NR3C1: variants seen among roughly 807,000 people sequenced by gnomAD.
NR3C1 encodes the protein nuclear receptor subfamily 3 group C member 1, also known as glucocorticoid receptor.
Under a neutral mutation model 74.0 loss-of-function variants are expected in NR3C1, and 14 were observed. That is an observed-to-expected ratio of 0.19 (90% CI 0.12 to 0.30). The LOEUF (loss-of-function observed/expected upper bound fraction) is 0.30, where lower values mean the gene tolerates loss of function less well. Ranked by LOEUF, NR3C1 falls within the 10% of genes least tolerant of loss-of-function variation. NR3C1 has a pLI of 1.00. For missense variants in NR3C1, 695 were observed against 909.8 expected, an observed-to-expected ratio of 0.76 and a Z score of 3.04; for synonymous variants, 308 against 332.5, an observed-to-expected ratio of 0.93 and a Z score of 0.80.
chr5:143,322,180 T>C (rs1182773978), intron 2 of NR3C1, among the ~76,000 whole-genome samples: 2 of 152,220 alleles, frequency 1.3e-5, no homozygotes, highest in East Asian at 3.8e-4. Flanking sequence ...TGGGTACTAT[T>C]TTCAGCATTT....
At chr5:143,405,392 G>A (rs1841051000), upstream of NR3C1, 1 of 978,826 alleles carries the variant, frequency 1.0e-6, no homozygotes, top group Non-Finnish European at 1.2e-6. Flanking sequence ...GAAGACGATT[G>A]GGGAAGCGCG....
rs760752090 is a variant in NR3C1, at chr5:143,399,977, G to A, written c.863C>T (p.Thr288Ile). ...TTTCTCTTGCTTAATTACCCCAGGG[G>A]TGCAGAGTTCGATGAAATCTTCTTT... ...TEKEDFIELC[T>I]PGVIKQEKLG... The change falls in exon 2 of 9, where the codon ACC becomes ATC. Residue 288 changes from threonine to isoleucine, a missense_variant. Around this residue, in one of 4 missense-constraint regions of NR3C1, gnomAD observed 497 missense variants for 489.5 expected, o/e 1.02. Transcript: ENST00000394464. The A allele has an allele frequency of 3.7e-6, 6 of 1,614,052 alleles. No individual in the cohort carries two copies. In the African/African-American group the frequency reaches 5.3e-5, roughly 14 times the overall value.
intron 7 of NR3C1, among the ~76,000 whole-genome samples, chr5:143,285,648 TAATAAGCTATAGATTA>T (rs1253912369): frequency 1.3e-5 from 2 of 152,094 alleles, no homozygotes; most frequent in Non-Finnish European, 2.9e-5. Context: ...ATTTGACATT[TAATAAGCTATAGATTA>T]AATAAGGCAT....
intron 2 of NR3C1, among the ~76,000 whole-genome samples, chr5:143,391,669 G>A (rs746655914): frequency 1.3e-5 from 2 of 151,912 alleles, no homozygotes; most frequent in Admixed American, 6.6e-5. Flanking sequence ...AAACTTTGTC[G>A]AAGGCGCTTT....
chr5:143,433,475 A>ATTTATATATATATATAATTTATTTAT (rs1751970544), intron 1 of NR3C1, among the ~76,000 whole-genome samples: 1 of 130,794 alleles, frequency 7.6e-6, no homozygotes, highest in African/African-American at 3.0e-5. Flanking sequence ...TATATATTTA[A>ATTTATATATATATATAATTTATTTAT]TTTCATCTTG....
chr5:143,425,475 A>G (rs1363858013), intron 1 of NR3C1, among the ~76,000 whole-genome samples: 1 of 152,314 alleles, frequency 6.6e-6, no homozygotes, highest in Non-Finnish European at 1.5e-5. Context: ...TTTGCAAGTC[A>G]TATATCCAGT....
chr5:143,291,983 G>A (rs984752672), intron 7 of NR3C1, among the ~76,000 whole-genome samples: 16 of 152,150 alleles, frequency 1.1e-4, no homozygotes, highest in Admixed American at 2.6e-4. Context: ...TCTTCAGACC[G>A]TGGGTTTTTC....
chr5:143,367,557 G>A (rs550262978), intron 2 of NR3C1, among the ~76,000 whole-genome samples: 16 of 152,254 alleles, frequency 1.1e-4, no homozygotes, highest in African/African-American at 3.4e-4. Flanking sequence ...CAGCTAGGTT[G>A]CAGGATACAA....
At chr5:143,435,157 C>G in exon 1 of NR3C1, 1 of 985,386 alleles carries the variant, frequency 1.0e-6, no homozygotes, top group Non-Finnish European at 1.2e-6. Flanking sequence ...TCACACTAAG[C>G]AATTTTCCTC....
chr5:143,348,399 T>C (rs961686008), intron 2 of NR3C1, among the ~76,000 whole-genome samples: 34 of 152,192 alleles, frequency 2.2e-4, no homozygotes, highest in African/African-American at 7.5e-4. Context: ...CTACATTTTA[T>C]TTGTAACCCC....
chr5:143,418,253 A>G (rs943521616), intron 1 of NR3C1, among the ~76,000 whole-genome samples: 6 of 152,190 alleles, frequency 3.9e-5, no homozygotes, highest in African/African-American at 1.4e-4. Context: ...TATCAGTGCC[A>G]TCAAAAACCC....
intron 2 of NR3C1, among the ~76,000 whole-genome samples, chr5:143,380,449 G>T (rs756329803): frequency 6.6e-6 from 1 of 151,998 alleles, no homozygotes; most frequent in Non-Finnish European, 1.5e-5. Flanking sequence ...GTATTATGAC[G>T]TTCAAAGTGT....
intron 1 of NR3C1, among the ~76,000 whole-genome samples, chr5:143,433,454 A>ATATATATATAATTTATTTATTTAAAT (rs1561822067): frequency 6.7e-5 from 2 of 30,046 alleles, no homozygotes; most frequent in Non-Finnish European, 2.4e-4. Flanking sequence ...TATTTAAATT[A>ATATATATATAATTTATTTATTTAAAT]TATATATATA....
chr5:143,360,307 T>C (rs1831987137), intron 2 of NR3C1, among the ~76,000 whole-genome samples: 1 of 152,252 alleles, frequency 6.6e-6, no homozygotes, highest in African/African-American at 2.4e-5. Context: ...GTGGCTTGTA[T>C]ACAATTCAGT....
intron 1 of NR3C1, among the ~76,000 whole-genome samples, chr5:143,422,108 C>T (rs1221304882): frequency 6.6e-6 from 1 of 152,192 alleles, no homozygotes; most frequent in African/African-American, 2.4e-5. Flanking sequence ...CTTTCCCTGG[C>T]TTTTCCTCCC....
intron 2 of NR3C1, among the ~76,000 whole-genome samples, chr5:143,318,344 C>T (rs1822611060): frequency 6.6e-6 from 1 of 152,082 alleles, no homozygotes; most frequent in South Asian, 2.1e-4. Flanking sequence ...GAATCCAAAA[C>T]TGTTATCAAT....
At chr5:143,287,134 G>C (rs746942773) in intron 7 of NR3C1, among the ~76,000 whole-genome samples, 4 of 151,576 alleles carry the variant, frequency 2.6e-5, no homozygotes, top group Non-Finnish European at 5.9e-5. Flanking sequence ...CCTTAAACTA[G>C]AAAAAGAGGA....
intron 2 of NR3C1, among the ~76,000 whole-genome samples, chr5:143,395,477 C>G (rs933902397): frequency 2.6e-5 from 4 of 151,696 alleles, no homozygotes; most frequent in Non-Finnish European, 5.9e-5. Context: ...AATATGAAAA[C>G]AAGTGCCCAT....
rs556706029 is a variant in NR3C1 at position 143,403,240 on chromosome 5, C to T, written c.-43G>A. 1.2e-5 allele frequency: 12 copies of T among 985,536 alleles called. No individual in the cohort carries two copies. In the South Asian group the frequency reaches 4.2e-4, roughly 35 times the overall value. The allele number at this position is 985,536 out of a possible 1,614,324, so 61.0% of individuals were successfully genotyped here. On this transcript the variant is annotated 5_prime_UTR_variant, in exon 1 of 9. Transcript: ENST00000394464. Reference sequence around the variant, plus strand: ...GGCAGAGGAGCCGCTCGCCCGCCACCGTCCGCAGTTCCCGCCGCAGCCGAG... The same window carrying T: ...GGCAGAGGAGCCGCTCGCCCGCCACTGTCCGCAGTTCCCGCCGCAGCCGAG...
Sources: gnomAD v4.1 joint callset for allele counts (sites outside exome capture counted in the v4.1 genomes callset) on GRCh38, gnomAD v4.1.1 for gene constraint, gnomAD v4.1.1 regional missense constraint, MANE v1.5 for transcripts, NCBI Gene and HGNC (gene_info 2026-07-23, HGNC 2026-07-21) for gene names.